Variants in KLF8 observed in about 807,000 individuals in gnomAD.
KLF8 encodes Krueppel-like factor 8.
KLF8 carries 10 observed loss-of-function variants against 18.2 expected under a neutral mutation model. That is an observed-to-expected ratio of 0.55 (90% CI 0.34 to 0.93). The LOEUF (loss-of-function observed/expected upper bound fraction) is 0.93. Ranked by LOEUF, KLF8 falls within the 40% of genes least tolerant of loss-of-function variation. The probability of loss-of-function intolerance (pLI) is 0.02; values close to 1 mark genes in which losing one functional copy is unlikely to be tolerated. For synonymous variants in KLF8, 109 were observed against 97.3 expected, an observed-to-expected ratio of 1.12 and a Z score of -0.71; for missense variants, 264 against 277.9, an observed-to-expected ratio of 0.95 and a Z score of 0.36.
the KLF8 span, among the ~76,000 whole-genome samples, chrX:56,012,639 G>A: frequency 1.8e-5 from 2 of 111,342 alleles, 1 homozygote; most frequent in South Asian, 7.6e-4. Context: ...GAAATTGGAA[G>A]AGGAGAAGTC....
the KLF8 span, among the ~76,000 whole-genome samples, chrX:56,207,918 A>T: frequency 9.0e-6 from 1 of 111,443 alleles, no homozygotes; most frequent in South Asian, 3.8e-4. Context: ...TCACAGTTCC[A>T]CATGGCTGGG....
chrX:56,187,058 C>A, the KLF8 span, among the ~76,000 whole-genome samples: 2 of 111,406 alleles, frequency 1.8e-5, no homozygotes, highest in African/African-American at 3.3e-5. Flanking sequence ...AGACAAAAAA[C>A]CCTTCAAAAA....
the KLF8 span, among the ~76,000 whole-genome samples, chrX:56,086,695 AAGT>A: frequency 4.0e-3 from 437 of 110,424 alleles, 1 homozygote; most frequent in African/African-American, 8.8e-3. Context: ...TGGTTAGTAG[AAGT>A]AGTAGTAGTA....
chrX:56,034,738 G>A, the KLF8 span, among the ~76,000 whole-genome samples: 5 of 95,031 alleles, frequency 5.3e-5, no homozygotes, highest in Admixed American at 4.7e-4. Context: ...TATAGAACAC[G>A]AACTTATTTC....
the KLF8 span, among the ~76,000 whole-genome samples, chrX:56,063,141 A>T: frequency 9.0e-6 from 1 of 111,095 alleles, no homozygotes. Context: ...ATTTGTTATT[A>T]CCCACCTTCT....
chrX:55,999,019 A>C, the KLF8 span, among the ~76,000 whole-genome samples: 1 of 109,733 alleles, frequency 9.1e-6, no homozygotes, highest in East Asian at 2.8e-4. Flanking sequence ...ATTTTTGTAT[A>C]TGGTGAGAGA....
chrX:55,959,496 T>C, the KLF8 span, among the ~76,000 whole-genome samples: 1 of 112,181 alleles, frequency 8.9e-6, no homozygotes, highest in Non-Finnish European at 1.9e-5. Flanking sequence ...AAACCCATTC[T>C]AAGGAACACA....
At chrX:56,125,849 A>G in the KLF8 span, among the ~76,000 whole-genome samples, 1 of 111,788 alleles carries the variant, frequency 8.9e-6, no homozygotes, top group African/African-American at 3.3e-5. Flanking sequence ...AACCTCAGCT[A>G]TATCATGTGA....
the KLF8 span, among the ~76,000 whole-genome samples, chrX:56,225,420 G>A: frequency 9.0e-6 from 1 of 111,090 alleles, no homozygotes; most frequent in South Asian, 3.9e-4. Flanking sequence ...TAGGTGGTAA[G>A]GGGGTATGAC....
At chrX:56,180,205 G>A in the KLF8 span, among the ~76,000 whole-genome samples, 42 of 107,459 alleles carry the variant, frequency 3.9e-4, 1 homozygote, top group African/African-American at 1.3e-3. Flanking sequence ...CAACTTCTTC[G>A]GAAGGTGTAT....
At chrX:56,217,137 A>T in the KLF8 span, among the ~76,000 whole-genome samples, 3 of 112,078 alleles carry the variant, frequency 2.7e-5, no homozygotes, top group Admixed American at 9.5e-5. Context: ...GTTAGTGAAA[A>T]TATGTGCTGC....
At chrX:56,101,076 G>A in the KLF8 span, among the ~76,000 whole-genome samples, 5 of 111,224 alleles carry the variant, frequency 4.5e-5, no homozygotes, top group East Asian at 2.8e-4. Flanking sequence ...CCCATGTAGC[G>A]AGCATAGTAA....
At chrX:56,161,572 C>A in the KLF8 span, among the ~76,000 whole-genome samples, 2 of 112,150 alleles carry the variant, frequency 1.8e-5, no homozygotes, top group African/African-American at 6.5e-5. Flanking sequence ...GCTACTGATG[C>A]TTGTGCATTC....
chrX:56,059,640 G>T, the KLF8 span, among the ~76,000 whole-genome samples: 1 of 111,705 alleles, frequency 9.0e-6, no homozygotes, highest in Non-Finnish European at 1.9e-5. Context: ...TTTTTGGCAA[G>T]TTTGTCAGAG....
chrX:56,107,317 C>T, the KLF8 span, among the ~76,000 whole-genome samples: 1 of 112,206 alleles, frequency 8.9e-6, no homozygotes, highest in Admixed American at 9.4e-5. Context: ...CTATGCCCTG[C>T]CCACAGAGGT....
the KLF8 span, among the ~76,000 whole-genome samples, chrX:56,023,494 C>G: frequency 3.0e-3 from 331 of 111,509 alleles, no homozygotes; most frequent in African/African-American, 0.01. Flanking sequence ...TAACATCAGA[C>G]CAAACAGAAT....
chrX:55,939,508 G>C, the KLF8 span, among the ~76,000 whole-genome samples: 1 of 111,528 alleles, frequency 9.0e-6, no homozygotes, highest in Non-Finnish European at 1.9e-5. Context: ...CTAGCAGAAG[G>C]CAAGAAATAA....
At chrX:56,164,303 A>C in the KLF8 span, among the ~76,000 whole-genome samples, 1 of 91,508 alleles carries the variant, frequency 1.1e-5, no homozygotes, top group Non-Finnish European at 2.1e-5. Flanking sequence ...TGCATTTTTC[A>C]GTCTTTAAAA....
chrX:55,939,489 G>C, the KLF8 span, among the ~76,000 whole-genome samples: 2 of 111,196 alleles, frequency 1.8e-5, no homozygotes, highest in African/African-American at 3.3e-5. Flanking sequence ...GAGCAAACAC[G>C]TTCAAAATCT....
Sources: allele counts gnomAD v4.1 joint callset (sites outside exome capture counted in the v4.1 genomes callset), GRCh38; gene constraint gnomAD v4.1.1; transcripts MANE v1.5; gene names NCBI Gene and HGNC (gene_info 2026-07-23, HGNC 2026-07-21).